Variants in CLK4 observed in about 807,000 individuals in gnomAD.
CLK4 encodes the protein dual specificity protein kinase CLK4.
In CLK4, 37 loss-of-function variants were observed where a neutral mutation model predicts 64.4. That is an observed-to-expected ratio of 0.57 (90% CI 0.44 to 0.76). The LOEUF is 0.76. CLK4 is among the 30% of genes least tolerant of loss of function. CLK4 has a pLI of 0.00. For synonymous variants in CLK4, 175 were observed against 191.6 expected (o/e 0.91, Z 0.72); for missense variants, 457 against 605.1 (o/e 0.76, Z 2.57).
chr5:178,604,002 G>A, intron 11 of CLK4, 68 bp from the exon 12 acceptor site: 1 of 1,168,966 alleles, frequency 8.6e-7, no homozygotes, highest in South Asian at 1.4e-5. Context: ...CTGCACCCAT[G>A]AGGGGAGACA....
intron 2 of CLK4, chr5:178,620,602 A>G: frequency 2.2e-6 from 1 of 456,166 alleles, no homozygotes; most frequent in Non-Finnish European, 4.4e-6. Context: ...CCCAGTGAAT[A>G]TTTCACTATA....
At chr5:178,608,590 T>G in intron 9 of CLK4, 132 bp from the exon 10 acceptor site, 1 of 581,780 alleles carries the variant, frequency 1.7e-6, no homozygotes, top group Non-Finnish European at 3.0e-6. Context: ...TCAGGGTTTA[T>G]AGTTCTAGTT....
At chr5:178,605,071 A>T (rs377103306) in intron 11 of CLK4, 1 of 228,502 alleles carries the variant, frequency 4.4e-6, no homozygotes, top group Non-Finnish European at 8.3e-6. Flanking sequence ...CAGAGGCTGC[A>T]GTGAGCTGAG....
chr5:178,608,214 T>C (rs1369867131), intron 10 of CLK4, among the ~76,000 whole-genome samples, 162 bp downstream of exon 10: 3 of 152,216 alleles, frequency 2.0e-5, no homozygotes, highest in Non-Finnish European at 4.4e-5. Context: ...CATAGTAATA[T>C]TTCATTCAAC....
chr5:178,615,354 T>C (rs1346427744), intron 5 of CLK4, among the ~76,000 whole-genome samples: 1 of 152,206 alleles, frequency 6.6e-6, no homozygotes, highest in African/African-American at 2.4e-5. Flanking sequence ...AAGCAAATCT[T>C]ATAAAATGTA....
At chr5:178,625,824 T>C (rs1050977171) in intron 1 of CLK4, among the ~76,000 whole-genome samples, 2 of 152,220 alleles carry the variant, frequency 1.3e-5, no homozygotes, top group Admixed American at 6.5e-5. Context: ...TCCCAGCCTC[T>C]GACCTCCCCC....
Position 178,617,263 on chromosome 5 carries a change from T to C in CLK4, c.475+81A>G, listed in dbSNP as rs1764639654. ...AAAATAAAAAAGCAATGAAGAGTTC[T>C]TTAGCCCCCCGCTGACAAACTATTC... is the stretch of plus-strand genomic sequence containing the variant. On this transcript the variant is annotated intron_variant, in intron 4 of 12. Transcript: ENST00000316308. This position sits in a 1 kb window ranked among gnomAD's most constrained non-coding sequence, Gnocchi z 5.2. The C allele has an allele frequency of 8.9e-7, 1 of 1,123,668 alleles. No individual in the cohort carries two copies. The highest frequency in any genetic ancestry group is 1.5e-5 in the African/African-American group (1 of 65,268). The allele number at this position is 1,123,668 out of a possible 1,614,324, so 69.6% of individuals were successfully genotyped here.
At chr5:178,612,385 TATA>T (rs1764569556) in intron 9 of CLK4, 28 bp downstream of exon 9, 5 of 1,549,846 alleles carry the variant, frequency 3.2e-6, no homozygotes, top group Middle Eastern at 1.7e-4. Flanking sequence ...CTTCTTCAAT[TATA>T]ATATTAGAAA....
At chr5:178,615,356 T>C (rs7726146) in intron 5 of CLK4, among the ~76,000 whole-genome samples, 5,409 of 152,296 alleles carry the variant, frequency 0.036, 294 homozygotes, top group African/African-American at 0.12. Flanking sequence ...GCAAATCTTA[T>C]AAAATGTAAA....
intron 1 of CLK4, among the ~76,000 whole-genome samples, chr5:178,625,934 A>G (rs1764773198): frequency 6.6e-6 from 1 of 152,234 alleles, no homozygotes; most frequent in African/African-American, 2.4e-5. Context: ...TAAAAAAGAA[A>G]AGCTATCTAG....
At chr5:178,604,010 A>C in intron 11 of CLK4, 76 bp from the exon 12 acceptor site, 2 of 1,092,220 alleles carry the variant, frequency 1.8e-6, no homozygotes, top group Non-Finnish European at 2.7e-6. Context: ...ATGAGGGGAG[A>C]CATGGAAAGC....
intron 9 of CLK4, among the ~76,000 whole-genome samples, chr5:178,609,591 G>A (rs1371139690): frequency 3.3e-5 from 5 of 152,244 alleles, no homozygotes; most frequent in Non-Finnish European, 4.4e-5. Flanking sequence ...GCTGAGGCAG[G>A]AGAATGGCTT....
intron 1 of CLK4, 147 bp downstream of exon 1, chr5:178,626,799 G>C (rs1764789097): frequency 6.6e-6 from 1 of 152,536 alleles, no homozygotes; most frequent in Non-Finnish European, 1.5e-5. Flanking sequence ...GGTGCTGCCG[G>C]CGTGCACCAG....
chr5:178,617,228 C>G lies in CLK4; in HGVS notation c.475+116G>C. ...AGAAATATAAAAGAACAAACAAACC[C>G]ACAAAAAGCAAAATAAAAAAGCAAT... On this transcript the variant is annotated intron_variant, in intron 4 of 12. Coordinates refer to ENST00000316308, the MANE Select transcript of CLK4 (RefSeq NM_020666.3). This position sits in a 1 kb window ranked among gnomAD's most constrained non-coding sequence, Gnocchi z 5.2. The G allele has an allele frequency of 1.3e-6, 1 of 793,910 alleles. No individual in the cohort carries two copies. The highest frequency in any genetic ancestry group is 2.1e-6 in the Non-Finnish European group (1 of 482,006). The allele number at this position is 793,910 out of a possible 1,614,324, so 49.2% of individuals were successfully genotyped here.
chr5:178,614,890 A>G (rs1400367006), intron 5 of CLK4, among the ~76,000 whole-genome samples: 1 of 152,244 alleles, frequency 6.6e-6, no homozygotes, highest in Non-Finnish European at 1.5e-5. Flanking sequence ...ACTCCTATCT[A>G]TTTAATTATA....
intron 11 of CLK4, chr5:178,605,004 C>T (rs1181626368): frequency 1.2e-5 from 2 of 170,124 alleles, no homozygotes; most frequent in Admixed American, 6.4e-5. Context: ...GTGGTGGGCA[C>T]CTGTAATCCC....
chr5:178,607,700 C>G (rs1049656529), intron 10 of CLK4, among the ~76,000 whole-genome samples: 3 of 151,728 alleles, frequency 2.0e-5, no homozygotes, highest in Non-Finnish European at 2.9e-5. Flanking sequence ...TTAGTAGAGA[C>G]AGGGTTTCAC....
At chr5:178,610,991 C>T (rs559787696) in intron 9 of CLK4, among the ~76,000 whole-genome samples, 20 of 150,886 alleles carry the variant, frequency 1.3e-4, no homozygotes, top group South Asian at 4.2e-4. Context: ...GAGAATCGCG[C>T]GAACCTGGGA....
chr5:178,625,175 C>T (rs749740971), intron 1 of CLK4, among the ~76,000 whole-genome samples: 19 of 152,164 alleles, frequency 1.2e-4, no homozygotes, highest in Non-Finnish European at 2.1e-4. Context: ...TTCATTAGAG[C>T]TATCAAGAAA....
Sources: gnomAD v4.1 joint callset for allele counts (sites outside exome capture counted in the v4.1 genomes callset) on GRCh38, gnomAD v4.1.1 for gene constraint, Gnocchi (gnomAD v3.1) non-coding constraint, MANE v1.5 for transcripts, NCBI Gene and HGNC (gene_info 2026-07-23, HGNC 2026-07-21) for gene names.